TMEM63B: variants seen among roughly 807,000 people sequenced by gnomAD.
TMEM63B encodes transmembrane protein 63B.
A neutral mutation model predicts 102.6 loss-of-function variants in TMEM63B; 23 were observed. The ratio of observed to expected loss-of-function variants is 0.22; its 90% CI spans 0.16 to 0.32. The LOEUF (loss-of-function observed/expected upper bound fraction) is 0.32. TMEM63B is among the 10% of genes least tolerant of loss of function. TMEM63B has a pLI of 1.00. For synonymous variants in TMEM63B, 444 were observed against 437.0 expected (o/e 1.02, Z -0.20); for missense variants, 628 against 1,095.9 (o/e 0.57, Z 6.03).
In TMEM63B at chr6:44,127,675, G is replaced by A. The variant is rs1346291556; in HGVS notation, c.-28G>A. ...CCGAGCCGGAGCCGAGTCTGCGCCTGGGGGTGAGTACGCGACCCCTACCCA... is the reference window on the plus strand; with the variant it reads ...CCGAGCCGGAGCCGAGTCTGCGCCTAGGGGTGAGTACGCGACCCCTACCCA... On this transcript the variant is annotated 5_prime_UTR_variant, in exon 1 of 24. Transcript: ENST00000323267. The A allele has an allele frequency of 6.7e-6, 1 of 149,712 alleles. No homozygotes were observed. Among genetic ancestry groups the A allele is most frequent in the Non-Finnish European group, 1.5e-5 (1 of 67,272 alleles). 9.3% of individuals were successfully genotyped at this position (149,712 alleles called of 1,614,324 possible).
At chr6:44,130,093 G>C (rs1777979353) in intron 1 of TMEM63B, among the ~76,000 whole-genome samples, 1 of 152,210 alleles carries the variant, frequency 6.6e-6, no homozygotes, top group Non-Finnish European at 1.5e-5. Flanking sequence ...AAGGCAAGCA[G>C]GTAGAAATAG....
At chr6:44,153,145 A>G (rs978329710) in intron 20 of TMEM63B, among the ~76,000 whole-genome samples, 5 of 152,232 alleles carry the variant, frequency 3.3e-5, no homozygotes, top group Admixed American at 2.6e-4. Context: ...TATCTGAGCT[A>G]TGTGACTTGG....
At chr6:44,139,346 C>G in intron 6 of TMEM63B, 121 bp from the exon 7 acceptor site, 10 of 1,248,866 alleles carry the variant, frequency 8.0e-6, no homozygotes, top group Non-Finnish European at 1.1e-5. Context: ...CCCTATACTA[C>G]TGCCAGATCA....
chr6:44,142,414 C>T (rs1449785047), intron 10 of TMEM63B, among the ~76,000 whole-genome samples: 3 of 152,056 alleles, frequency 2.0e-5, no homozygotes, highest in Non-Finnish European at 1.5e-5. Context: ...CCAGTAGTCT[C>T]AGCTACTCAG....
At chr6:44,135,164 G>C in intron 3 of TMEM63B, 68 bp downstream of exon 3, 2 of 1,596,996 alleles carry the variant, frequency 1.3e-6, no homozygotes, top group Non-Finnish European at 1.7e-6. Flanking sequence ...TCAGGAATAG[G>C]AAGGAGCCAG....
At chr6:44,146,820 C>T in intron 10 of TMEM63B, 27 bp from the exon 11 acceptor site, 1 of 1,612,674 alleles carries the variant, frequency 6.2e-7, no homozygotes, top group Non-Finnish European at 8.5e-7. Context: ...GGTCCCTGCA[C>T]AAGATGATAC....
Position 44,143,895 on chromosome 6 carries a change from A to G in TMEM63B, c.782+2797A>G, listed in dbSNP as rs1764815109. ...AGACCTGAGTGAACCCTACTAGTCA[A>G]CTGTCTATTCATTCAGCCCACATTT... On this transcript the variant is annotated intron_variant, in intron 10 of 23. Transcript: ENST00000323267. Among the ~76,000 whole-genome samples, 4 of 152,218 alleles carry G rather than the reference A, an allele frequency of 2.6e-5. No homozygotes were observed. In the East Asian group the frequency reaches 7.7e-4, roughly 29 times the overall value.
chr6:44,136,371 GA>G lies in TMEM63B; in HGVS notation c.302del (p.Asp101AlafsTer29), dbSNP rs1445946932. On this transcript the variant is annotated frameshift_variant, in exon 5 of 24. Transcript: ENST00000323267. LOFTEE classifies it high-confidence loss of function. ...CAGTGTGGCTTCAGCTATGCACGGGGACAGCCATGACCGGTATGAGCGTCTC... is the reference window on the plus strand; with the variant it reads ...CAGTGTGGCTTCAGCTATGCACGGGGCAGCCATGACCGGTATGAGCGTCTC... ...QEYVASAMHG[D>X]SHDRYERLTS... is the part of the protein sequence containing the mutation. 1 of 1,614,080 alleles carries G rather than the reference GA, an allele frequency of 6.2e-7. No individual in the cohort carries two copies.
chr6:44,141,221 T>C, intron 10 of TMEM63B, 123 bp downstream of exon 10: 1 of 986,114 alleles, frequency 1.0e-6, no homozygotes, highest in Non-Finnish European at 1.5e-6. Flanking sequence ...AGAGATTAGA[T>C]CCAGGAAGAA....
At chr6:44,139,849 T>A (rs1763870705) in intron 8 of TMEM63B, 90 bp downstream of exon 8, 15 of 1,532,974 alleles carry the variant, frequency 9.8e-6, no homozygotes, top group Non-Finnish European at 1.4e-5. Context: ...GCTGCGTTGA[T>A]GGGAGCAGAG....
chr6:44,142,313 C>T (rs1476943355), intron 10 of TMEM63B, among the ~76,000 whole-genome samples: 2 of 150,672 alleles, frequency 1.3e-5, no homozygotes, highest in Non-Finnish European at 3.0e-5. Context: ...AGTTTGAGAC[C>T]AGCCTGGCCA....
intron 10 of TMEM63B, among the ~76,000 whole-genome samples, chr6:44,141,476 A>G (rs1192204999): frequency 6.6e-6 from 1 of 152,180 alleles, no homozygotes; most frequent in Non-Finnish European, 1.5e-5. Flanking sequence ...CTTGGTTTCC[A>G]GTGGATTCCA....
chr6:44,153,899 GAGCA>G, intron 21 of TMEM63B, 56 bp downstream of exon 21: 1 of 1,589,952 alleles, frequency 6.3e-7, no homozygotes, highest in South Asian at 1.2e-5. Context: ...ATTCCAGCCA[GAGCA>G]GGCCACAGGA....
intron 1 of TMEM63B, among the ~76,000 whole-genome samples, chr6:44,130,288 C>T (rs1403252695): frequency 6.6e-6 from 1 of 152,198 alleles, no homozygotes; most frequent in African/African-American, 2.4e-5. Context: ...TATACTCTCT[C>T]TGTATCTCAG....
At chr6:44,145,352 G>A (rs1202353693) in intron 10 of TMEM63B, among the ~76,000 whole-genome samples, 5 of 151,488 alleles carry the variant, frequency 3.3e-5, no homozygotes, top group Admixed American at 6.6e-5. Flanking sequence ...AAGCCAGGGC[G>A]GGCCAATCAC....
chr6:44,138,289 G>T, intron 5 of TMEM63B, 191 bp from the exon 6 acceptor site: 1 of 623,954 alleles, frequency 1.6e-6, no homozygotes. Context: ...TTTTCTTTGA[G>T]GGCTGAGACC....
Position 44,152,758 on chromosome 6 carries a change from TC to T in TMEM63B, c.1942+62del. 1 of 1,428,752 alleles carries T rather than the reference TC, an allele frequency of 7.0e-7. No homozygotes were observed. Among genetic ancestry groups the T allele is most frequent in the South Asian group, 1.2e-5 (1 of 86,722 alleles). 88.5% of individuals were successfully genotyped at this position (1,428,752 alleles called of 1,614,324 possible). The stretch of plus-strand genomic sequence containing the variant: ...CGGGGGGACCCAGGACTTCACCCTC[TC>T]CACTCTAGGAATGCAGGCCACCCCG... On this transcript the variant is annotated intron_variant, in intron 20 of 23. Transcript: ENST00000323267. The surrounding 1 kb of genome is among the most constrained non-coding windows in gnomAD (Gnocchi z 6.4).
At chr6:44,126,779 T>G (rs1777118247), upstream of TMEM63B, 1 of 152,148 alleles carries the variant, frequency 6.6e-6, no homozygotes, top group Admixed American at 6.5e-5. Flanking sequence ...AGTCTCAGTC[T>G]CTCCCTTCAT....
rs955795096 is a variant in TMEM63B, at chr6:44,152,467, G to A, written c.1837-126G>A. Reference sequence around the variant, plus strand: ...CTGCCCTACCCTACCCTAGACATTAGGTCCTGTTCCCCATGGCTTCTTTTC... The same window carrying A: ...CTGCCCTACCCTACCCTAGACATTAAGTCCTGTTCCCCATGGCTTCTTTTC... On this transcript the variant is annotated intron_variant, in intron 19 of 23. Transcript: ENST00000323267. The surrounding 1 kb of genome is among the most constrained non-coding windows in gnomAD (Gnocchi z 6.4). The A allele has an allele frequency of 1.4e-5, 10 of 714,738 alleles. No homozygotes were observed. Among genetic ancestry groups the A allele is most frequent in the South Asian group, 3.2e-5 (2 of 61,594 alleles). The allele number at this position is 714,738 out of a possible 1,614,324, so 44.3% of individuals were successfully genotyped here. A position where few individuals can be genotyped will look rare whatever the true frequency, so the allele number is the denominator to read the frequency against.
Sources: allele counts gnomAD v4.1 joint callset (sites outside exome capture counted in the v4.1 genomes callset), GRCh38; gene constraint gnomAD v4.1.1; non-coding constraint Gnocchi (gnomAD v3.1); transcripts MANE v1.5; gene names NCBI Gene and HGNC (gene_info 2026-07-23, HGNC 2026-07-21).